CSMD1: variants seen among roughly 807,000 people sequenced by gnomAD.
CSMD1 encodes CUB and Sushi multiple domains 1.
CSMD1 carries 213 observed loss-of-function variants against 417.5 expected under a neutral mutation model. The ratio of observed to expected loss-of-function variants is 0.51; its 90% CI spans 0.46 to 0.57. The LOEUF (loss-of-function observed/expected upper bound fraction) is 0.57. Ranked by LOEUF, CSMD1 falls within the 20% of genes least tolerant of loss-of-function variation. The probability of loss-of-function intolerance (pLI) is 0.00; values close to 1 mark genes in which losing one functional copy is unlikely to be tolerated. For missense variants in CSMD1, 6,923 were observed against 4,529.7 expected, an observed-to-expected ratio of 1.53 and a Z score of -15.17; for synonymous variants, 2,862 against 1,736.8, an observed-to-expected ratio of 1.65 and a Z score of -16.11.
At chr8:4,353,332 G>A (rs1020111279) in intron 3 of CSMD1, among the ~76,000 whole-genome samples, 1 of 152,110 alleles carries the variant, frequency 6.6e-6, no homozygotes, top group Non-Finnish European at 1.5e-5. Flanking sequence ...CATGTAAGAT[G>A]TGACTTTGCT....
chr8:4,226,844 G>A (rs932927319), intron 3 of CSMD1, among the ~76,000 whole-genome samples: 1 of 152,202 alleles, frequency 6.6e-6, no homozygotes, highest in African/African-American at 2.4e-5. Context: ...GCAAATGCAT[G>A]TAGTCTCCCC....
intron 3 of CSMD1, among the ~76,000 whole-genome samples, chr8:4,192,786 C>T (rs955909109): frequency 7.9e-5 from 12 of 152,160 alleles, no homozygotes; most frequent in African/African-American, 2.4e-4. Flanking sequence ...CCATTTGTTT[C>T]AGGCTCAAAC....
At chr8:3,165,484 T>G (rs942584083) in intron 37 of CSMD1, among the ~76,000 whole-genome samples, 2 of 151,942 alleles carry the variant, frequency 1.3e-5, no homozygotes, top group African/African-American at 2.4e-5. Context: ...CAGGCTGGAG[T>G]GCAGTGGTGT....
At chr8:4,785,923 C>A (rs1255018945) in intron 1 of CSMD1, among the ~76,000 whole-genome samples, 1 of 152,114 alleles carries the variant, frequency 6.6e-6, no homozygotes, top group East Asian at 1.9e-4. Context: ...ACTGAACCCT[C>A]CTCAGTCATG....
At chr8:4,709,324 G>A (rs1327010159) in intron 1 of CSMD1, among the ~76,000 whole-genome samples, 1 of 152,198 alleles carries the variant, frequency 6.6e-6, no homozygotes, top group African/African-American at 2.4e-5. Context: ...GTTGATACCT[G>A]AGGCCTCTGT....
At chr8:4,528,879 T>C (rs776061009) in intron 2 of CSMD1, among the ~76,000 whole-genome samples, 2 of 152,140 alleles carry the variant, frequency 1.3e-5, no homozygotes, top group African/African-American at 2.4e-5. Context: ...ACTAAAAATG[T>C]CTTAAGCTTT....
intron 2 of CSMD1, among the ~76,000 whole-genome samples, chr8:4,560,727 C>T (rs535773441): frequency 1.3e-5 from 2 of 152,324 alleles, no homozygotes; most frequent in African/African-American, 4.8e-5. Flanking sequence ...TGGTTTGAGA[C>T]TCTTCGGTTC....
chr8:3,360,135 A>C (rs547024486), intron 20 of CSMD1, among the ~76,000 whole-genome samples: 2 of 152,186 alleles, frequency 1.3e-5, no homozygotes, highest in Non-Finnish European at 2.9e-5. Flanking sequence ...GGAACAGTGG[A>C]ATTTTCCTCT....
At chr8:4,029,632 G>A (rs572109049) in intron 4 of CSMD1, among the ~76,000 whole-genome samples, 3 of 152,072 alleles carry the variant, frequency 2.0e-5, no homozygotes, top group Non-Finnish European at 2.9e-5. Context: ...TAGGGACACA[G>A]CCAAACCATA....
chr8:3,125,732 T>C (rs1817471385), intron 41 of CSMD1, among the ~76,000 whole-genome samples: 1 of 152,200 alleles, frequency 6.6e-6, no homozygotes, highest in African/African-American at 2.4e-5. Flanking sequence ...ATCCCAGCAC[T>C]TTGGGAGGCC....
chr8:4,126,114 C>G (rs1233408085), intron 3 of CSMD1, among the ~76,000 whole-genome samples: 1 of 151,962 alleles, frequency 6.6e-6, no homozygotes, highest in Non-Finnish European at 1.5e-5. Flanking sequence ...CACTTTGACC[C>G]CCTGTGATTT....
At chr8:4,787,761 T>G in intron 1 of CSMD1, 1 of 1,586,158 alleles carries the variant, frequency 6.3e-7, no homozygotes, top group Non-Finnish European at 8.6e-7. Context: ...CTGCAAAATT[T>G]TGCTTCGCTG....
At chr8:3,205,649 C>A (rs766057827) in intron 30 of CSMD1, 29 bp from the exon 31 acceptor site, 2 of 1,150,878 alleles carry the variant, frequency 1.7e-6, no homozygotes, top group South Asian at 1.4e-5. Flanking sequence ...GAGAATTAGT[C>A]GCTGTGCAAT....
chr8:4,788,673 T>G, intron 1 of CSMD1: 1 of 586,786 alleles, frequency 1.7e-6, no homozygotes, highest in Non-Finnish European at 3.0e-6. Flanking sequence ...AAAAGGTAAT[T>G]ATAAATTAGA....
rs1164286139 is a variant in CSMD1 at position 3,413,236 on chromosome 8, TAGAGTA to T, written c.1562-3637_1562-3632del. Among the ~76,000 whole-genome samples the T allele has an allele frequency of 3.3e-5, 5 of 151,802 alleles. No individual in the cohort carries two copies. The East Asian group carries it at 9.7e-4, about 29-fold the overall frequency. ...GATACTAAAGTTTACAATTTCTCCT[TAGAGTA>T]AAATAAATTATGGCATTTTGGGGAT... On this transcript the variant is annotated intron_variant, in intron 12 of 69. Coordinates refer to ENST00000635120, the MANE Select transcript of CSMD1 (RefSeq NM_033225.6).
At chr8:3,960,232 T>C (rs1030281988) in intron 5 of CSMD1, among the ~76,000 whole-genome samples, 2 of 152,194 alleles carry the variant, frequency 1.3e-5, no homozygotes, top group African/African-American at 2.4e-5. Context: ...AAAATTTTAT[T>C]TCCTCTCCTC....
chr8:4,217,627 G>C (rs1363122821), intron 3 of CSMD1, among the ~76,000 whole-genome samples: 3 of 149,772 alleles, frequency 2.0e-5, no homozygotes, highest in African/African-American at 7.4e-5. Context: ...TTGAGAAACT[G>C]TTGAAAAAGT....
intron 3 of CSMD1, among the ~76,000 whole-genome samples, chr8:4,155,472 T>C (rs1191899334): frequency 6.6e-6 from 1 of 152,198 alleles, no homozygotes; most frequent in African/African-American, 2.4e-5. Context: ...AAGTATGTGT[T>C]TCCTTCTAGT....
At chr8:3,436,269 C>T (rs907834289) in intron 12 of CSMD1, among the ~76,000 whole-genome samples, 24 of 152,096 alleles carry the variant, frequency 1.6e-4, no homozygotes, top group South Asian at 8.3e-4. Context: ...CTTACCAACG[C>T]GATAGTAAGA....
Sources: allele counts gnomAD v4.1 joint callset (sites outside exome capture counted in the v4.1 genomes callset), GRCh38; gene constraint gnomAD v4.1.1; transcripts MANE v1.5; gene names NCBI Gene and HGNC (gene_info 2026-07-23, HGNC 2026-07-21).